The following CDC20B variants were observed in gnomAD, a reference collection of about 807,000 sequenced individuals.
CDC20B encodes the protein cell division cycle protein 20 homolog B.
Under a neutral mutation model 64.1 loss-of-function variants are expected in CDC20B, and 58 were observed. The ratio of observed to expected loss-of-function variants is 0.90; its 90% confidence interval spans 0.73 to 1.13. CDC20B has a LOEUF of 1.13. CDC20B is among the 50% of genes most tolerant of loss of function. The probability of loss-of-function intolerance (pLI) is 0.00; values close to 1 mark genes in which losing one functional copy is unlikely to be tolerated. For synonymous variants in CDC20B, 243 were observed against 230.6 expected, an observed-to-expected ratio of 1.05 and a Z score of -0.49; for missense variants, 597 against 633.0, an observed-to-expected ratio of 0.94 and a Z score of 0.61.
intron 6 of CDC20B, among the ~76,000 whole-genome samples, chr5:55,131,778 T>C (rs1743037308): frequency 6.6e-6 from 1 of 152,156 alleles, no homozygotes. Context: ...GAAAGAGGGC[T>C]GTGCGTCTGG....
In CDC20B at chr5:55,114,238, A is replaced by C. The variant is rs1373351699; in HGVS notation, c.1540T>G (p.Ser514Ala). The C allele has an allele frequency of 6.2e-7, 1 of 1,613,740 alleles. No homozygotes were observed. The highest frequency in any genetic ancestry group is 1.3e-5 in the African/African-American group (1 of 75,018). ...VFSAAADGTASVWNCY is the reference protein window; with the variant it reads ...VFSAAADGTAAVWNCY Reference sequence around the variant, plus strand: ...GGGTGCTAGTAGCAATTCCATACAGAGGCCGTCCCATCAGCTGCAGCAGAA... The same window carrying C: ...GGGTGCTAGTAGCAATTCCATACAGCGGCCGTCCCATCAGCTGCAGCAGAA... The change falls in exon 12 of 12, where the codon TCT becomes GCT. Residue 514 changes from serine to alanine, a missense_variant. Transcript: ENST00000381375. This position sits in a 1 kb window ranked among gnomAD's most constrained non-coding sequence, Gnocchi z 4.1.
At chr5:55,144,445 CT>C (rs1471911358) in intron 3 of CDC20B, among the ~76,000 whole-genome samples, 1 of 152,136 alleles carries the variant, frequency 6.6e-6, no homozygotes, top group African/African-American at 2.4e-5. Context: ...AAATCTTAGC[CT>C]TTTGCCATGT....
chr5:55,128,223 C>T (rs773912193), intron 7 of CDC20B, among the ~76,000 whole-genome samples, 198 bp downstream of exon 7: 1 of 147,550 alleles, frequency 6.8e-6, no homozygotes, highest in South Asian at 2.1e-4. Flanking sequence ...TGGAAACTAA[C>T]CAGAGTATCC....
In CDC20B at chr5:55,120,487, G is replaced by A. The variant is rs142234339; in HGVS notation, c.1279C>T (p.Arg427Cys). The change falls in exon 10 of 12, where the codon CGC becomes TGC. Residue 427 changes from arginine (R) to cysteine (C), a missense_variant. By Grantham distance (180) the Arg-to-Cys change is radical. Coordinates refer to ENST00000381375, the MANE Select transcript of CDC20B (RefSeq NM_001170402.1). ...GCATTTATATCCAAGATGTGTAAGC[G>A]TCCATCCTTCATTCCTCCTCCAATG... ...LAIGGGMKDGRLHILDINAGK... is the reference protein window; with the variant it reads ...LAIGGGMKDGCLHILDINAGK... 7.0e-5 allele frequency: 113 copies of A among 1,613,736 alleles called. No individual in the cohort carries two copies. The highest frequency in any genetic ancestry group is 6.7e-4 in the African/African-American group (50 of 75,008).
chr5:55,160,089 A>G, intron 2 of CDC20B: 1 of 768,720 alleles, frequency 1.3e-6, no homozygotes, highest in Non-Finnish European at 2.2e-6. Flanking sequence ...CAGTGAAAGC[A>G]GTCAGCCTGT....
At chr5:55,129,097 T>G (rs1242686319) in intron 6 of CDC20B, among the ~76,000 whole-genome samples, 5 of 152,174 alleles carry the variant, frequency 3.3e-5, no homozygotes, top group Admixed American at 6.5e-5. Flanking sequence ...CTTATACTAA[T>G]AAGAAACCTT....
chr5:55,166,066 G>A (rs1744366268), intron 2 of CDC20B: 1 of 152,230 alleles, frequency 6.6e-6, no homozygotes, highest in Non-Finnish European at 1.5e-5. Context: ...AAGTGTTGGT[G>A]CCAGAGCACT....
intron 6 of CDC20B, among the ~76,000 whole-genome samples, chr5:55,132,812 C>T (rs540264433): frequency 4.6e-5 from 7 of 152,266 alleles, no homozygotes; most frequent in South Asian, 2.1e-4. Flanking sequence ...TCTTAATTAC[C>T]AACATCCTGC....
At chr5:55,132,143 A>T (rs1743048372) in intron 6 of CDC20B, among the ~76,000 whole-genome samples, 1 of 152,234 alleles carries the variant, frequency 6.6e-6, no homozygotes, top group Non-Finnish European at 1.5e-5. Flanking sequence ...ACAGTTTTTT[A>T]ACATTTTTTG....
intron 5 of CDC20B, among the ~76,000 whole-genome samples, chr5:55,139,841 C>T (rs1345638848): frequency 1.3e-5 from 2 of 151,962 alleles, no homozygotes; most frequent in East Asian, 1.9e-4. Context: ...CCATGGCCAA[C>T]ATGGTGAAAC....
chr5:55,119,777 C>G (rs1742712962), intron 11 of CDC20B, 24 bp downstream of exon 11: 5 of 1,385,838 alleles, frequency 3.6e-6, no homozygotes, highest in Non-Finnish European at 5.1e-6. Context: ...AGGTGCATGG[C>G]ATTTTACTCA....
intron 9 of CDC20B, among the ~76,000 whole-genome samples, 157 bp downstream of exon 9, chr5:55,124,646 T>C (rs778973531): frequency 1.3e-5 from 2 of 152,218 alleles, no homozygotes; most frequent in Non-Finnish European, 2.9e-5. Context: ...AAAGTATAAA[T>C]AGGGTTGTCT....
intron 2 of CDC20B, chr5:55,165,563 T>C (rs1344783499): frequency 6.6e-6 from 1 of 152,240 alleles, no homozygotes. Context: ...TATACGTATT[T>C]GGACCAAAGT....
At chr5:55,170,884 A>C in intron 2 of CDC20B, 1 of 330,642 alleles carries the variant, frequency 3.0e-6, no homozygotes, top group Non-Finnish European at 6.1e-6. Flanking sequence ...AAATAAAATC[A>C]ATATTTGCTT....
chr5:55,114,002 G>A lies in CDC20B; in HGVS notation c.*216C>T. The A allele has an allele frequency of 1.4e-6, 1 of 725,700 alleles. No homozygotes were observed. Among genetic ancestry groups the A allele is most frequent in the East Asian group, 3.3e-5 (1 of 29,906 alleles). The allele number at this position is 725,700 out of a possible 1,614,324, so 45.0% of individuals were successfully genotyped here. On this transcript the variant is annotated 3_prime_UTR_variant, in exon 12 of 12. Transcript: ENST00000381375. This position sits in a 1 kb window ranked among gnomAD's most constrained non-coding sequence, Gnocchi z 4.1. ...AGGAAGAAGAGGAGGGGGAGGAAGAGGGGCAGAAAGAAGAAAGCAGAGAAG... is the reference window on the plus strand; with the variant it reads ...AGGAAGAAGAGGAGGGGGAGGAAGAAGGGCAGAAAGAAGAAAGCAGAGAAG...
At chr5:55,136,225 C>T (rs1006001894) in intron 5 of CDC20B, among the ~76,000 whole-genome samples, 3 of 151,034 alleles carry the variant, frequency 2.0e-5, no homozygotes, top group Admixed American at 6.6e-5. Context: ...GGATTATAGG[C>T]GTGAACCACT....
At chr5:55,133,989 T>C (rs1376602547) in intron 5 of CDC20B, among the ~76,000 whole-genome samples, 3 of 152,216 alleles carry the variant, frequency 2.0e-5, no homozygotes, top group African/African-American at 7.2e-5. Context: ...TATTTCAGTA[T>C]TGGAGCACAC....
chr5:55,139,795 C>G (rs1361645465), intron 5 of CDC20B, among the ~76,000 whole-genome samples: 1 of 152,038 alleles, frequency 6.6e-6, no homozygotes, highest in Non-Finnish European at 1.5e-5. Context: ...GAGGCTGAGG[C>G]AGGAGGGTCA....
intron 3 of CDC20B, among the ~76,000 whole-genome samples, chr5:55,143,929 G>T (rs1344400850): frequency 1.3e-5 from 2 of 151,750 alleles, no homozygotes; most frequent in African/African-American, 4.9e-5. Context: ...CAGGGAAGAG[G>T]TGCCAAGATT....
Sources: allele counts gnomAD v4.1 joint callset (sites outside exome capture counted in the v4.1 genomes callset), GRCh38; gene constraint gnomAD v4.1.1; non-coding constraint Gnocchi (gnomAD v3.1); transcripts MANE v1.5; gene names NCBI Gene and HGNC (gene_info 2026-07-23, HGNC 2026-07-21).